Variants in STXBP5L observed in about 807,000 individuals in gnomAD.
STXBP5L encodes syntaxin-binding protein 5-like.
A neutral mutation model predicts 144.5 loss-of-function variants in STXBP5L; 65 were observed. The ratio of observed to expected loss-of-function variants is 0.45; its 90% CI spans 0.37 to 0.55. The LOEUF (loss-of-function observed/expected upper bound fraction) is 0.55. Among genes scored for constraint, STXBP5L ranks in the 20% least tolerant of loss-of-function variants. STXBP5L has a pLI of 0.00. For missense variants in STXBP5L, 1,298 were observed against 1,405.5 expected, an observed-to-expected ratio of 0.92 and a Z score of 1.22; for synonymous variants, 505 against 469.6, an observed-to-expected ratio of 1.08 and a Z score of -0.97.
chr3:121,303,527 G>A (rs1577404492), intron 19 of STXBP5L, among the ~76,000 whole-genome samples: 1 of 152,102 alleles, frequency 6.6e-6, no homozygotes, highest in Non-Finnish European at 1.5e-5. Context: ...CCCATTACTG[G>A]GTATATACCC....
At chr3:120,993,682 C>G (rs1447926526) in intron 3 of STXBP5L, among the ~76,000 whole-genome samples, 1 of 152,002 alleles carries the variant, frequency 6.6e-6, no homozygotes, top group Non-Finnish European at 1.5e-5. Flanking sequence ...ATATCCATAT[C>G]ATGCTGTTTT....
chr3:121,007,187 C>T (rs1559991029), intron 3 of STXBP5L, among the ~76,000 whole-genome samples: 1 of 152,070 alleles, frequency 6.6e-6, no homozygotes, highest in African/African-American at 2.4e-5. Context: ...TGTTAAACTA[C>T]ATTAATTTTG....
chr3:121,379,153 TC>T (rs2046266650), intron 21 of STXBP5L, among the ~76,000 whole-genome samples: 1 of 152,114 alleles, frequency 6.6e-6, no homozygotes, highest in African/African-American at 2.4e-5. Flanking sequence ...CTAAATCTGT[TC>T]CCTACCCTTC....
intron 3 of STXBP5L, among the ~76,000 whole-genome samples, chr3:121,040,301 A>G (rs1200735594): frequency 6.6e-6 from 1 of 152,086 alleles, no homozygotes; most frequent in Non-Finnish European, 1.5e-5. Flanking sequence ...AAGTACTGCT[A>G]AGCAGAACCA....
rs1048939456 is a variant in STXBP5L at position 121,318,541 on chromosome 3, G to A, written c.2176+1G>A. The A allele has an allele frequency of 6.5e-7, 1 of 1,541,636 alleles. No individual in the cohort carries two copies. Among genetic ancestry groups the A allele is most frequent in the Non-Finnish European group, 8.8e-7 (1 of 1,142,532 alleles). ...GAGCGCTGCAAGTCTCCTACCTCAG[G>A]TAAACATGAGTGGTATTTTGCAGAC... On this transcript the variant is annotated splice_donor_variant, in intron 20 of 26. Transcript: ENST00000471454. LOFTEE classifies it high-confidence loss of function.
rs150582144 is a variant in STXBP5L at position 121,216,561 on chromosome 3, G to A, written c.957-6442G>A. On this transcript the variant is annotated intron_variant, in intron 10 of 26. Transcript: ENST00000471454. ...GCCTGTTCCTTCCTCTGGAAGCTTC[G>A]TCTTAGAGGGACACCCACCAGATGC... 2.5e-3 allele frequency among the ~76,000 whole-genome samples: 381 copies of A among 152,264 alleles called. 2 individuals carry two copies. Among genetic ancestry groups the A allele is most frequent in the East Asian group, 0.012 (60 of 5,168 alleles).
chr3:121,424,593 GAAAC>G lies in STXBP5L; in HGVS notation c.*5498_*5501del, dbSNP rs1460840773. ...TGTGATGTTTTATTCTAGGAAATAA[GAAAC>G]AGATGACATCATTGATGTATCTTTC... On this transcript the variant is annotated 3_prime_UTR_variant, in exon 27 of 27. Coordinates refer to ENST00000471454, the MANE Select transcript of STXBP5L (RefSeq NM_001308330.2). 1 of 152,156 alleles carries G rather than the reference GAAAC, an allele frequency of 6.6e-6. No homozygotes were observed. Among genetic ancestry groups the G allele is most frequent in the Non-Finnish European group, 1.5e-5 (1 of 68,016 alleles). The allele number at this position is 152,156 out of a possible 1,614,324, so 9.4% of individuals were successfully genotyped here.
At chr3:121,006,265 G>A (rs983349269) in intron 3 of STXBP5L, among the ~76,000 whole-genome samples, 1 of 152,186 alleles carries the variant, frequency 6.6e-6, no homozygotes, top group South Asian at 2.1e-4. Flanking sequence ...ATTTAGGATA[G>A]TTAGCTCTTC....
intron 5 of STXBP5L, among the ~76,000 whole-genome samples, chr3:121,112,185 C>T (rs1263404727): frequency 6.6e-6 from 1 of 151,986 alleles, no homozygotes; most frequent in East Asian, 1.9e-4. Flanking sequence ...TGGCAGCTGC[C>T]CCTCCCCTCA....
chr3:121,343,902 A>G (rs1376590462), intron 20 of STXBP5L, among the ~76,000 whole-genome samples: 1 of 152,082 alleles, frequency 6.6e-6, no homozygotes, highest in Non-Finnish European at 1.5e-5. Flanking sequence ...AAACTACTTT[A>G]AAGTTCATAT....
At chr3:121,232,624 G>A (rs190271341) in intron 11 of STXBP5L, among the ~76,000 whole-genome samples, 52 of 152,294 alleles carry the variant, frequency 3.4e-4, no homozygotes, top group Non-Finnish European at 6.5e-4. Flanking sequence ...AGGATTTAGA[G>A]AAGTCCGATT....
chr3:121,347,093 A>G (rs1361937123), intron 20 of STXBP5L, among the ~76,000 whole-genome samples: 3 of 152,142 alleles, frequency 2.0e-5, no homozygotes, highest in Non-Finnish European at 4.4e-5. Context: ...TAGGTCTAAC[A>G]TTTAAGTCTT....
At chr3:121,377,494 A>G (rs917013600) in intron 20 of STXBP5L, among the ~76,000 whole-genome samples, 2 of 152,178 alleles carry the variant, frequency 1.3e-5, no homozygotes, top group African/African-American at 4.8e-5. Flanking sequence ...TTACAAGAAT[A>G]AAACAGCCCC....
At chr3:121,291,409 C>G (rs1448846483) in intron 19 of STXBP5L, among the ~76,000 whole-genome samples, 2 of 152,022 alleles carry the variant, frequency 1.3e-5, no homozygotes. Flanking sequence ...TAATGGACAA[C>G]ACAAACAAAT....
At chr3:121,188,168 G>C (rs748793863) in intron 9 of STXBP5L, among the ~76,000 whole-genome samples, 2 of 152,148 alleles carry the variant, frequency 1.3e-5, no homozygotes, top group African/African-American at 4.8e-5. Flanking sequence ...CTTGAACTCA[G>C]CTCTGCACCA....
At chr3:121,089,421 C>A (rs1461359063) in intron 5 of STXBP5L, among the ~76,000 whole-genome samples, 1 of 151,804 alleles carries the variant, frequency 6.6e-6, no homozygotes, top group African/African-American at 2.4e-5. Context: ...ACCTGAATAG[C>A]ATTCTACTTC....
chr3:121,177,363 T>A (rs967666009), intron 9 of STXBP5L, among the ~76,000 whole-genome samples: 4 of 152,040 alleles, frequency 2.6e-5, no homozygotes, highest in African/African-American at 9.7e-5. Flanking sequence ...ATATATCTCA[T>A]AAAGGGTGAA....
chr3:121,011,182 A>T (rs957503085), intron 3 of STXBP5L, among the ~76,000 whole-genome samples: 3 of 151,036 alleles, frequency 2.0e-5, no homozygotes, highest in Non-Finnish European at 4.4e-5. Context: ...CTATCCCGGT[A>T]ACATTTAGGC....
intron 5 of STXBP5L, among the ~76,000 whole-genome samples, chr3:121,067,259 C>A (rs942424509): frequency 6.6e-6 from 1 of 151,740 alleles, no homozygotes; most frequent in Non-Finnish European, 1.5e-5. Context: ...ATTTTTTCTT[C>A]TTTAATATGT....
Sources: allele counts gnomAD v4.1 joint callset (sites outside exome capture counted in the v4.1 genomes callset), GRCh38; gene constraint gnomAD v4.1.1; transcripts MANE v1.5; gene names NCBI Gene and HGNC (gene_info 2026-07-23, HGNC 2026-07-21).